GPX5: variants seen among roughly 807,000 people sequenced by gnomAD.
The protein encoded by GPX5 is epididymal secretory glutathione peroxidase.
In GPX5, 20 loss-of-function variants were observed where a neutral mutation model predicts 23.8. The observed-to-expected ratio is 0.84, with a 90% confidence interval of 0.59 to 1.22. The LOEUF is 1.22. Among genes scored for constraint, GPX5 ranks in the 50% most tolerant of loss-of-function variants. GPX5 has a pLI of 0.00. For synonymous variants in GPX5, 92 were observed against 99.5 expected, an observed-to-expected ratio of 0.92 and a Z score of 0.45; for missense variants, 230 against 266.6, an observed-to-expected ratio of 0.86 and a Z score of 0.96.
At chr6:28,526,858 T>C (rs1581851541) in intron 1 of GPX5, among the ~76,000 whole-genome samples, 1 of 152,258 alleles carries the variant, frequency 6.6e-6, no homozygotes, top group East Asian at 1.9e-4. Flanking sequence ...TGTAAATTTA[T>C]GGGTAACAGT....
intron 1 of GPX5, among the ~76,000 whole-genome samples, chr6:28,526,817 A>G (rs567175945): frequency 3.3e-4 from 50 of 152,316 alleles, no homozygotes; most frequent in African/African-American, 1.1e-3. Flanking sequence ...ACCACTTTTG[A>G]CTTTGGACAA....
chr6:28,534,249 C>A lies in GPX5; in HGVS notation c.*82C>A, dbSNP rs1439173461. 3.0e-6 allele frequency: 3 copies of A among 984,722 alleles called. No individual in the cohort carries two copies. The Admixed American group carries it at 8.6e-5, about 28-fold the overall frequency. 61.0% of individuals were successfully genotyped at this position (984,722 alleles called of 1,614,324 possible). ...CCACCCCTCCAAAAAAAAGGAATAC[C>A]CATCTTCTCACCACACTCTCTTCCT... is the stretch of plus-strand genomic sequence containing the variant. On this transcript the variant is annotated 3_prime_UTR_variant, in exon 5 of 5. Transcript: ENST00000412168.
At chr6:28,531,731 A>G (rs1456406156) in intron 2 of GPX5, 47 bp from the exon 3 acceptor site, 3 of 1,258,000 alleles carry the variant, frequency 2.4e-6, no homozygotes, top group Admixed American at 4.0e-5. Flanking sequence ...TCCTTGCACA[A>G]GGCAGAACCT....
Position 28,529,550 on chromosome 6 carries a change from C to T in GPX5, c.187C>T (p.His63Tyr). The change falls in exon 2 of 5, where the codon CAC (histidine) becomes TAC (tyrosine). Residue 63 changes from histidine (H) to tyrosine (Y), a missense_variant. By Grantham distance (83) the His-to-Tyr change is moderately conservative. Transcript: ENST00000412168. ...YVSFKQYVGK[H>Y]ILFVNVATYC... ...TTCCTTCAAGCAGTATGTGGGCAAG[C>T]ACATCCTCTTCGTCAACGTGGCCAC... 6.2e-7 allele frequency: 1 copy of T among 1,612,760 alleles called. No homozygotes were observed. Among genetic ancestry groups the T allele is most frequent in the African/African-American group, 1.3e-5 (1 of 75,008 alleles).
intron 2 of GPX5, chr6:28,529,929 A>T (rs1763281641): frequency 4.6e-6 from 1 of 217,080 alleles, no homozygotes; most frequent in Admixed American, 5.7e-5. Context: ...ACAAAGTCTG[A>T]AATATTTCCT....
At chr6:28,533,315 A>G (rs1283346865) in intron 4 of GPX5, among the ~76,000 whole-genome samples, 1 of 152,194 alleles carries the variant, frequency 6.6e-6, no homozygotes, top group South Asian at 2.1e-4. Flanking sequence ...TATATCCTCA[A>G]TAAATTGAAG....
chr6:28,534,437 G>A lies in GPX5; in HGVS notation c.*270G>A. On this transcript the variant is annotated 3_prime_UTR_variant, in exon 5 of 5. Coordinates refer to ENST00000412168, the MANE Select transcript of GPX5 (RefSeq NM_001509.3). ...CTAAAATCCCCAGACCTCTGTTACA[G>A]GTTGAATCATTCATATCCACCAGAG... 1 of 360,886 alleles carries A rather than the reference G, an allele frequency of 2.8e-6. No individual in the cohort carries two copies. Among genetic ancestry groups the A allele is most frequent in the Non-Finnish European group, 5.0e-6 (1 of 201,390 alleles). The allele number at this position is 360,886 out of a possible 1,614,324, so 22.4% of individuals were successfully genotyped here.
At chr6:28,528,973 G>T (rs1467001824) in intron 1 of GPX5, among the ~76,000 whole-genome samples, 2 of 150,432 alleles carry the variant, frequency 1.3e-5, no homozygotes, top group African/African-American at 4.9e-5. Flanking sequence ...TCTCCTTTGT[G>T]CTACAAACAA....
intron 1 of GPX5, 67 bp downstream of exon 1, chr6:28,526,167 T>A: frequency 8.4e-7 from 1 of 1,196,100 alleles, no homozygotes; most frequent in Non-Finnish European, 1.2e-6. Flanking sequence ...TGCCCTCCAC[T>A]CCTTCTTGTA....
At chr6:28,529,757 G>A (rs951461023) in intron 2 of GPX5, among the ~76,000 whole-genome samples, 153 bp downstream of exon 2, 1 of 152,128 alleles carries the variant, frequency 6.6e-6, no homozygotes, top group African/African-American at 2.4e-5. Context: ...AAGTCAGCAA[G>A]CTTGGGTGGA....
At chr6:28,531,386 A>G (rs1174663284) in intron 2 of GPX5, among the ~76,000 whole-genome samples, 18 of 122,404 alleles carry the variant, frequency 1.5e-4, no homozygotes, top group African/African-American at 3.1e-4. Flanking sequence ...AAAAAAAAAA[A>G]AAAAAAAGAA....
Position 28,534,241 on chromosome 6 carries a change from A to G in GPX5, c.*74A>G. 2 of 1,068,978 alleles carry G rather than the reference A, an allele frequency of 1.9e-6. No homozygotes were observed. The highest frequency in any genetic ancestry group is 1.6e-5 in the African/African-American group (1 of 62,698). 66.2% of individuals were successfully genotyped at this position (1,068,978 alleles called of 1,614,324 possible). On this transcript the variant is annotated 3_prime_UTR_variant, in exon 5 of 5. Coordinates refer to ENST00000412168, the MANE Select transcript of GPX5 (RefSeq NM_001509.3). ...TGCTCTCCCCACCCCTCCAAAAAAAAGGAATACCCATCTTCTCACCACACT... is the reference window on the plus strand; with the variant it reads ...TGCTCTCCCCACCCCTCCAAAAAAAGGGAATACCCATCTTCTCACCACACT...
chr6:28,531,386 AAAAAAAAGAAAAGAAAAG>A (rs1197507259), intron 2 of GPX5, among the ~76,000 whole-genome samples: 3,437 of 122,398 alleles, frequency 0.028, 201 homozygotes, highest in African/African-American at 0.066. Flanking sequence ...AAAAAAAAAA[AAAAAAAAGAAAAGAAAAG>A]AAAAGAAAAG....
At chr6:28,530,142 A>G (rs962779728) in intron 2 of GPX5, 1 of 152,246 alleles carries the variant, frequency 6.6e-6, no homozygotes, top group Non-Finnish European at 1.5e-5. Flanking sequence ...TACAATGACA[A>G]GAAAAAGGAG....
intron 2 of GPX5, chr6:28,530,090 G>A (rs897992560): frequency 6.6e-6 from 1 of 152,414 alleles, no homozygotes; most frequent in African/African-American, 2.4e-5. Flanking sequence ...CAGGACAGAA[G>A]ACCCATGTTT....
In GPX5 at chr6:28,534,410, A is replaced by C; in HGVS notation, c.*243A>C. 2.5e-6 allele frequency: 1 copy of C among 403,354 alleles called. No homozygotes were observed. Among genetic ancestry groups the C allele is most frequent in the South Asian group, 9.5e-5 (1 of 10,544 alleles). 25.0% of individuals were successfully genotyped at this position (403,354 alleles called of 1,614,324 possible). A position where few individuals can be genotyped will look rare whatever the true frequency, so the allele number is the denominator to read the frequency against. On this transcript the variant is annotated 3_prime_UTR_variant, in exon 5 of 5. Transcript: ENST00000412168. ...TGGGTGAAGACTGAAACAAATGGAA[A>C]CCTAAAATCCCCAGACCTCTGTTAC... is the stretch of plus-strand genomic sequence containing the variant.
chr6:28,531,370 CAAA>C (rs1193939654), intron 2 of GPX5, among the ~76,000 whole-genome samples: 77 of 50,088 alleles, frequency 1.5e-3, no homozygotes, highest in South Asian at 4.0e-3. Context: ...GAATCTGTCT[CAAA>C]AAAAAAAAAA....
At chr6:28,532,474 G>C in intron 4 of GPX5, 54 bp downstream of exon 4, 1 of 1,174,782 alleles carries the variant, frequency 8.5e-7, no homozygotes, top group Non-Finnish European at 1.2e-6. Flanking sequence ...TGCTAACATA[G>C]AGTTGGTGTG....
At chr6:28,532,523 T>C in intron 4 of GPX5, 103 bp downstream of exon 4, 1 of 762,978 alleles carries the variant, frequency 1.3e-6, no homozygotes, top group South Asian at 1.7e-5. Context: ...AGAGGTGGGA[T>C]TGGTCTTTGT....
Sources: gnomAD v4.1 joint callset for allele counts (sites outside exome capture counted in the v4.1 genomes callset) on GRCh38, gnomAD v4.1.1 for gene constraint, MANE v1.5 for transcripts, NCBI Gene and HGNC (gene_info 2026-07-23, HGNC 2026-07-21) for gene names.